The following MARCHF1 variants were observed in gnomAD, a reference collection of about 807,000 sequenced individuals.
MARCHF1 encodes the protein E3 ubiquitin-protein ligase MARCHF1.
In MARCHF1, 40 loss-of-function variants were observed where a neutral mutation model predicts 54.2. That is an observed-to-expected ratio of 0.74 (90% CI 0.57 to 0.96). MARCHF1 has a LOEUF of 0.96. Ranked by LOEUF, MARCHF1 falls within the 40% of genes least tolerant of loss-of-function variation. The pLI is 0.00. For missense variants in MARCHF1, 586 were observed against 656.5 expected, an observed-to-expected ratio of 0.89 and a Z score of 1.17; for synonymous variants, 236 against 236.3, an observed-to-expected ratio of 1.00 and a Z score of 0.01.
intron 3 of MARCHF1, among the ~76,000 whole-genome samples, chr4:163,892,804 G>C (rs1234236622): frequency 6.6e-6 from 1 of 152,086 alleles, no homozygotes; most frequent in Non-Finnish European, 1.5e-5. Context: ...TAGTAGGAAA[G>C]TGCTAGTTAT....
At chr4:163,729,142 CT>C (rs1446356187) in intron 4 of MARCHF1, among the ~76,000 whole-genome samples, 1 of 151,968 alleles carries the variant, frequency 6.6e-6, no homozygotes, top group Admixed American at 6.6e-5. Context: ...GCATTTAATT[CT>C]TTTTATACAT....
intron 7 of MARCHF1, among the ~76,000 whole-genome samples, chr4:163,609,733 T>C (rs1226793626): frequency 6.6e-6 from 1 of 151,794 alleles, no homozygotes; most frequent in Middle Eastern, 3.2e-3. Flanking sequence ...GAATATTATG[T>C]AGAACCCCAC....
intron 2 of MARCHF1, among the ~76,000 whole-genome samples, chr4:164,089,216 G>A (rs1208223642): frequency 6.6e-6 from 1 of 152,098 alleles, no homozygotes; most frequent in Non-Finnish European, 1.5e-5. Context: ...ATATTGTCAT[G>A]AAAATACGAC....
chr4:163,684,859 C>G (rs1370385326), intron 5 of MARCHF1, among the ~76,000 whole-genome samples: 1 of 152,158 alleles, frequency 6.6e-6, no homozygotes, highest in Non-Finnish European at 1.5e-5. Flanking sequence ...ATTTCTGAAA[C>G]TTTTCTAATT....
intron 1 of MARCHF1, among the ~76,000 whole-genome samples, chr4:164,256,329 A>C (rs1733278939): frequency 6.6e-6 from 1 of 151,404 alleles, no homozygotes; most frequent in Non-Finnish European, 1.5e-5. Context: ...AAACCTCAGG[A>C]AATCTCCAAA....
chr4:164,276,947 T>TATAGAGAG (rs1392528920), intron 1 of MARCHF1, among the ~76,000 whole-genome samples: 1 of 118,824 alleles, frequency 8.4e-6, no homozygotes, highest in African/African-American at 2.9e-5. Flanking sequence ...TATATATATA[T>TATAGAGAG]AGAGAGAGAG....
intron 4 of MARCHF1, among the ~76,000 whole-genome samples, chr4:163,824,105 TCAAC>T (rs1462326480): frequency 6.6e-6 from 1 of 151,882 alleles, no homozygotes; most frequent in Admixed American, 6.6e-5. Flanking sequence ...ATAAAAATGA[TCAAC>T]TTAGACAATT....
rs532374265 is a variant in MARCHF1, at chr4:164,049,379, G to A, written c.-247-60670C>T. ...TTACAATTCAAGATGAGATTTGGGT[G>A]GGGACACAAAACCAAACCATATCAA... On this transcript the variant is annotated intron_variant, in intron 2 of 9. Coordinates refer to ENST00000514618, the MANE Select transcript of MARCHF1 (RefSeq NM_001394959.1). 1.1e-4 allele frequency among the ~76,000 whole-genome samples: 16 copies of A among 152,202 alleles called. No individual in the cohort carries two copies. The South Asian group carries it at 3.1e-3, about 30-fold the overall frequency.
chr4:164,047,327 T>C (rs76675430), intron 2 of MARCHF1, among the ~76,000 whole-genome samples: 18,263 of 152,190 alleles, frequency 0.12, 1,266 homozygotes, highest in South Asian at 0.22. Context: ...ATCATGTGAC[T>C]GGGCCTAGGA....
intron 1 of MARCHF1, among the ~76,000 whole-genome samples, chr4:164,203,715 G>A (rs78371749): frequency 0.018 from 2,694 of 152,218 alleles, 46 homozygotes; most frequent in Non-Finnish European, 0.031. Context: ...TAATATATCC[G>A]TCACTGAAGG....
At chr4:164,037,891 T>G (rs1053554756) in intron 2 of MARCHF1, among the ~76,000 whole-genome samples, 2 of 152,182 alleles carry the variant, frequency 1.3e-5, no homozygotes, top group Non-Finnish European at 2.9e-5. Flanking sequence ...AAGTTACATA[T>G]TGCATGATTC....
intron 5 of MARCHF1, among the ~76,000 whole-genome samples, chr4:163,634,072 G>T (rs1742214387): frequency 1.3e-5 from 2 of 152,258 alleles, no homozygotes; most frequent in South Asian, 2.1e-4. Context: ...CACCAGGCCT[G>T]CCCTAAAAGA....
At chr4:163,710,929 T>C (rs1175011866) in intron 4 of MARCHF1, among the ~76,000 whole-genome samples, 1 of 152,094 alleles carries the variant, frequency 6.6e-6, no homozygotes, top group Non-Finnish European at 1.5e-5. Context: ...GTAACACTTG[T>C]TGAACCTTTA....
At chr4:163,826,570 G>A (rs1038021426) in intron 4 of MARCHF1, among the ~76,000 whole-genome samples, 1 of 151,998 alleles carries the variant, frequency 6.6e-6, no homozygotes, top group African/African-American at 2.4e-5. Flanking sequence ...AACATGCGCT[G>A]TATTAAGCCC....
chr4:164,196,482 AAAAATAGAATTT>A (rs1731262471), intron 1 of MARCHF1, among the ~76,000 whole-genome samples: 1 of 152,194 alleles, frequency 6.6e-6, no homozygotes, highest in Non-Finnish European at 1.5e-5. Context: ...AATAAATTTT[AAAAATAGAATTT>A]GCTTTAACAA....
intron 2 of MARCHF1, among the ~76,000 whole-genome samples, chr4:164,047,803 G>A (rs1754273858): frequency 6.6e-6 from 1 of 152,080 alleles, no homozygotes; most frequent in South Asian, 2.1e-4. Context: ...TTTCTAGTTT[G>A]ATAAACTTAA....
chr4:163,616,772 G>A (rs934889411), intron 5 of MARCHF1, among the ~76,000 whole-genome samples: 4 of 151,956 alleles, frequency 2.6e-5, no homozygotes, highest in Non-Finnish European at 5.9e-5. Context: ...GAATGTGTGA[G>A]GATGAAAAGA....
At chr4:163,640,096 A>C (rs1742499226) in intron 5 of MARCHF1, among the ~76,000 whole-genome samples, 1 of 152,144 alleles carries the variant, frequency 6.6e-6, no homozygotes, top group African/African-American at 2.4e-5. Context: ...GGAAGCAAGA[A>C]GACCTGGATT....
intron 1 of MARCHF1, among the ~76,000 whole-genome samples, chr4:164,364,619 T>G (rs1238839313): frequency 1.3e-5 from 2 of 151,972 alleles, no homozygotes; most frequent in Non-Finnish European, 2.9e-5. Flanking sequence ...GGTTTCCCAT[T>G]TATTCTTAGA....
Sources: allele counts gnomAD v4.1 joint callset (sites outside exome capture counted in the v4.1 genomes callset), GRCh38; gene constraint gnomAD v4.1.1; transcripts MANE v1.5; gene names NCBI Gene and HGNC (gene_info 2026-07-23, HGNC 2026-07-21).